Variants in BRAF observed in about 807,000 individuals in gnomAD.
BRAF encodes serine/threonine-protein kinase B-raf.
In BRAF, 16 loss-of-function variants were observed where a neutral mutation model predicts 104.6. The observed-to-expected ratio is 0.15, with a 90% CI of 0.10 to 0.23. The LOEUF (loss-of-function observed/expected upper bound fraction) is 0.23, where lower values mean the gene tolerates loss of function less well. BRAF is among the 10% of genes least tolerant of loss of function. The pLI is 1.00. For missense variants in BRAF, 541 were observed against 937.3 expected, an observed-to-expected ratio of 0.58 and a Z score of 5.52; for synonymous variants, 310 against 341.6, an observed-to-expected ratio of 0.91 and a Z score of 1.02.
downstream of BRAF, among the ~76,000 whole-genome samples, chr7:140,714,335 G>A (rs566920439): frequency 2.4e-4 from 36 of 152,080 alleles, no homozygotes; most frequent in Non-Finnish European, 4.7e-4. Context: ...CTCTGAGACT[G>A]GACAGAATTC....
rs969439754 is a variant in BRAF, at chr7:140,776,860, C to T, written c.1814+52G>A. 14 of 1,553,810 alleles carry T rather than the reference C, an allele frequency of 9.0e-6. No homozygotes were observed. In the African/African-American group the frequency reaches 1.9e-4, roughly 21 times the overall value. On this transcript the variant is annotated intron_variant, in intron 14 of 19. Coordinates refer to ENST00000644969, the MANE Select transcript of BRAF (RefSeq NM_001374258.1). The stretch of plus-strand genomic sequence containing the variant: ...ATAGCAGCCAAAACCTTTAAAACAT[C>T]CTCAATGGTCTTCAAAAATAATTTA...
intron 1 of BRAF, among the ~76,000 whole-genome samples, chr7:140,909,469 C>A (rs1308300546): frequency 1.3e-5 from 2 of 151,996 alleles, no homozygotes; most frequent in Non-Finnish European, 2.9e-5. Context: ...TACCTTAGTG[C>A]AATTTTATAA....
chr7:140,905,307 T>C (rs1816181275), intron 1 of BRAF, among the ~76,000 whole-genome samples: 1 of 152,252 alleles, frequency 6.6e-6, no homozygotes, highest in South Asian at 2.1e-4. Context: ...TTGCTATAAA[T>C]ATTCTAAAGC....
chr7:140,782,447 T>C (rs548473642), intron 11 of BRAF, among the ~76,000 whole-genome samples: 1 of 143,700 alleles, frequency 7.0e-6, no homozygotes, highest in South Asian at 2.2e-4. Context: ...ATGTATCTTA[T>C]CTAATTCGGT....
intron 1 of BRAF, among the ~76,000 whole-genome samples, chr7:140,883,155 G>C (rs938279743): frequency 6.6e-6 from 1 of 152,060 alleles, no homozygotes; most frequent in Admixed American, 6.6e-5. Context: ...CAAACATTCT[G>C]CACTGGGATC....
chr7:140,736,137 C>T (rs181295200), intron 18 of BRAF, among the ~76,000 whole-genome samples: 3 of 149,414 alleles, frequency 2.0e-5, no homozygotes, highest in East Asian at 4.0e-4. Flanking sequence ...GTGGCGCGAT[C>T]TCAGCTCACT....
In BRAF at chr7:140,724,025, T is replaced by C. The variant is rs1795457928; in HGVS notation, c.*2469A>G. The C allele has an allele frequency of 9.6e-7, 1 of 1,045,088 alleles. No homozygotes were observed. Among genetic ancestry groups the C allele is most frequent in the South Asian group, 4.6e-5 (1 of 21,790 alleles). The allele number at this position is 1,045,088 out of a possible 1,614,324, so 64.7% of individuals were successfully genotyped here. A position where few individuals can be genotyped will look rare whatever the true frequency, so the allele number is the denominator to read the frequency against. On this transcript the variant is annotated 3_prime_UTR_variant, in exon 20 of 20. Transcript: ENST00000644969. ...AATATTTTATTTTTTAAGGTATCTA[T>C]AAAAATCTCAATATGCTAAGCCTGG...
At chr7:140,731,490 G>A (rs1468048670) in intron 19 of BRAF, 1 of 152,166 alleles carries the variant, frequency 6.6e-6, no homozygotes, top group Non-Finnish European at 1.5e-5. Context: ...TTTCTGTCAT[G>A]AAGTACCATT....
intron 14 of BRAF, among the ~76,000 whole-genome samples, chr7:140,770,723 G>T (rs1011480259): frequency 6.6e-6 from 1 of 151,914 alleles, no homozygotes; most frequent in Admixed American, 6.6e-5. Context: ...ATCACTTGAG[G>T]TCAGGAGTTC....
intron 3 of BRAF, among the ~76,000 whole-genome samples, chr7:140,815,254 C>T (rs1177857243): frequency 6.6e-6 from 1 of 151,826 alleles, no homozygotes; most frequent in Non-Finnish European, 1.5e-5. Flanking sequence ...TCTCCTGCCT[C>T]AGCCTCCTGA....
chr7:140,885,292 C>T (rs986643688), intron 1 of BRAF, among the ~76,000 whole-genome samples: 1 of 151,970 alleles, frequency 6.6e-6, no homozygotes, highest in African/African-American at 2.4e-5. Flanking sequence ...TGTGAGCCAC[C>T]GCACCTGGCC....
chr7:140,783,846 G>T (rs1013323536), intron 10 of BRAF, among the ~76,000 whole-genome samples: 6 of 152,210 alleles, frequency 3.9e-5, no homozygotes, highest in Middle Eastern at 3.2e-3. Context: ...CTCTGCCTTT[G>T]TAAGTGAGAG....
chr7:140,911,013 C>T (rs2129139647), intron 1 of BRAF, among the ~76,000 whole-genome samples: 1 of 152,232 alleles, frequency 6.6e-6, no homozygotes, highest in South Asian at 2.1e-4. Context: ...TGTAAATCAA[C>T]ATAATCTTGA....
At chr7:140,719,201 G>T, downstream of BRAF, 1 of 272,070 alleles carries the variant, frequency 3.7e-6, no homozygotes, top group Non-Finnish European at 5.7e-6. Flanking sequence ...TACCCACTAA[G>T]CAGTAACCAA....
chr7:140,902,765 A>G (rs1471771889), intron 1 of BRAF, among the ~76,000 whole-genome samples: 2 of 152,184 alleles, frequency 1.3e-5, no homozygotes, highest in Non-Finnish European at 2.9e-5. Context: ...AGACCCTCTA[A>G]GAATTAAAAG....
At chr7:140,814,801 A>T (rs1348443363) in intron 3 of BRAF, among the ~76,000 whole-genome samples, 1 of 143,086 alleles carries the variant, frequency 7.0e-6, no homozygotes, top group Non-Finnish European at 1.5e-5. Context: ...ACATATATAT[A>T]TTATATATAA....
intron 1 of BRAF, among the ~76,000 whole-genome samples, chr7:140,868,234 T>C (rs574532744): frequency 6.6e-6 from 1 of 152,208 alleles, no homozygotes. Flanking sequence ...TAATACGTTC[T>C]GTTAGGGAAA....
chr7:140,787,502 T>C (rs755881467), intron 9 of BRAF, 46 bp downstream of exon 9: 10 of 1,553,256 alleles, frequency 6.4e-6, no homozygotes, highest in Middle Eastern at 1.7e-4. Context: ...AGCAAAGCAA[T>C]TGCAGTTTCC....
intron 14 of BRAF, among the ~76,000 whole-genome samples, chr7:140,761,929 C>G (rs1798779771): frequency 1.3e-5 from 2 of 152,142 alleles, no homozygotes; most frequent in Non-Finnish European, 2.9e-5. Flanking sequence ...GACTCCCACA[C>G]AATAATAATG....
Sources: gnomAD v4.1 joint callset for allele counts (sites outside exome capture counted in the v4.1 genomes callset) on GRCh38, gnomAD v4.1.1 for gene constraint, MANE v1.5 for transcripts, NCBI Gene and HGNC (gene_info 2026-07-23, HGNC 2026-07-21) for gene names.